The following IGF2BP2 variants were observed in gnomAD, a reference collection of about 807,000 sequenced individuals.
IGF2BP2 encodes the protein insulin like growth factor 2 mRNA binding protein 2.
A neutral mutation model predicts 75.8 loss-of-function variants in IGF2BP2; 17 were observed. The observed-to-expected ratio is 0.22, with a 90% CI of 0.15 to 0.34. IGF2BP2 has a LOEUF of 0.34. IGF2BP2 is among the 10% of genes least tolerant of loss of function. The probability of loss-of-function intolerance (pLI) is 1.00; values close to 1 mark genes in which losing one functional copy is unlikely to be tolerated. For synonymous variants in IGF2BP2, 288 were observed against 295.6 expected (o/e 0.97, Z 0.26); for missense variants, 516 against 772.4 (o/e 0.67, Z 3.93).
chr3:185,665,571 G>C (rs1717413616), intron 10 of IGF2BP2, among the ~76,000 whole-genome samples: 1 of 149,478 alleles, frequency 6.7e-6, no homozygotes, highest in African/African-American at 2.5e-5. Flanking sequence ...AGGAGAAGGA[G>C]AAGAAGGAGA....
intron 10 of IGF2BP2, among the ~76,000 whole-genome samples, chr3:185,661,034 G>A (rs1215682656): frequency 6.6e-6 from 1 of 152,168 alleles, no homozygotes; most frequent in African/African-American, 2.4e-5. Context: ...GTAAGAAAGA[G>A]ATTTTTAAAA....
intron 2 of IGF2BP2, among the ~76,000 whole-genome samples, chr3:185,748,113 C>T (rs1730501436): frequency 6.6e-6 from 1 of 152,056 alleles, no homozygotes; most frequent in Non-Finnish European, 1.5e-5. Flanking sequence ...ACCGTGTTAG[C>T]CAGGATGGTC....
intron 2 of IGF2BP2, among the ~76,000 whole-genome samples, chr3:185,766,434 T>A (rs1733070803): frequency 6.6e-6 from 1 of 152,110 alleles, no homozygotes; most frequent in Non-Finnish European, 1.5e-5. Context: ...TTCCCTTTTT[T>A]TAAATGGTTG....
At position 185,728,400 on chromosome 3, in the gene IGF2BP2, A is replaced by G. The variant is rs569789131; in HGVS notation, c.240-30053T>C. On this transcript the variant is annotated intron_variant, in intron 2 of 15. Coordinates refer to ENST00000382199, the MANE Select transcript of IGF2BP2 (RefSeq NM_006548.6). ...CACTCACATGTTACCCTTCTAGGAT[A>G]TGGGCTTTTTGTGTTTTTGTTTTTT... The G allele has an allele frequency of 2.0e-5, 3 of 152,202 alleles. No homozygotes were observed. In the South Asian group the frequency reaches 6.2e-4, roughly 32 times the overall value. 9.4% of individuals were successfully genotyped at this position (152,202 alleles called of 1,614,324 possible). A position where few individuals can be genotyped will look rare whatever the true frequency, so the allele number is the denominator to read the frequency against.
intron 13 of IGF2BP2, among the ~76,000 whole-genome samples, chr3:185,650,066 G>A (rs1279481734): frequency 3.3e-5 from 5 of 151,404 alleles, no homozygotes; most frequent in Non-Finnish European, 7.4e-5. Context: ...GCAGTGGCAC[G>A]ATCATAGCTC....
At chr3:185,671,595 G>A (rs1718524727) in intron 10 of IGF2BP2, among the ~76,000 whole-genome samples, 2 of 150,970 alleles carry the variant, frequency 1.3e-5, no homozygotes. Flanking sequence ...ATATAAGCAA[G>A]AATGCAGAAT....
intron 2 of IGF2BP2, among the ~76,000 whole-genome samples, chr3:185,718,684 CAAAAAAAA>C (rs10699427): frequency 2.4e-4 from 12 of 49,516 alleles, no homozygotes; most frequent in South Asian, 1.3e-3. Flanking sequence ...GACTCTGTCT[CAAAAAAAA>C]AAAAAAAAAA....
chr3:185,645,240 T>G lies in IGF2BP2; in HGVS notation c.*291A>C. The G allele has an allele frequency of 2.1e-6, 1 of 473,564 alleles. No individual in the cohort carries two copies. Among genetic ancestry groups the G allele is most frequent in the Non-Finnish European group, 3.8e-6 (1 of 261,860 alleles). 29.3% of individuals were successfully genotyped at this position (473,564 alleles called of 1,614,324 possible). A position where few individuals can be genotyped will look rare whatever the true frequency, so the allele number is the denominator to read the frequency against. ...ACTAAAAGGGATAGCGTCGTGGGAG[T>G]TCAGGAGAGATCCGAGTGGATGGTG... On this transcript the variant is annotated 3_prime_UTR_variant, in exon 16 of 16. Transcript: ENST00000382199. The surrounding 1 kb of genome is among the most constrained non-coding windows in gnomAD (Gnocchi z 4.9).
intron 2 of IGF2BP2, among the ~76,000 whole-genome samples, chr3:185,800,269 G>A (rs1252478346): frequency 6.6e-6 from 1 of 152,116 alleles, no homozygotes; most frequent in Non-Finnish European, 1.5e-5. Context: ...ATAGACCGGG[G>A]CCTGTCGGAG....
intron 2 of IGF2BP2, among the ~76,000 whole-genome samples, chr3:185,776,965 G>T (rs1260330572): frequency 6.6e-6 from 1 of 152,140 alleles, no homozygotes. Context: ...AGATTAGGAG[G>T]TCAAGACAGA....
intron 2 of IGF2BP2, among the ~76,000 whole-genome samples, chr3:185,768,874 G>T (rs1229615336): frequency 1.3e-5 from 2 of 152,094 alleles, no homozygotes; most frequent in African/African-American, 2.4e-5. Context: ...TAAAAATACA[G>T]AAATTAGCCA....
chr3:185,662,595 G>A (rs1716648485), intron 10 of IGF2BP2, among the ~76,000 whole-genome samples: 1 of 141,914 alleles, frequency 7.0e-6, no homozygotes, highest in African/African-American at 2.6e-5. Flanking sequence ...CCAGGCTGGA[G>A]TGCAGTGGCA....
intron 7 of IGF2BP2, among the ~76,000 whole-genome samples, chr3:185,684,490 C>T (rs1188041117): frequency 6.6e-6 from 1 of 152,092 alleles, no homozygotes. Context: ...CTGCAACCTC[C>T]ACCTCCCAGG....
chr3:185,760,121 T>C (rs1732157559), intron 2 of IGF2BP2, among the ~76,000 whole-genome samples: 1 of 152,226 alleles, frequency 6.6e-6, no homozygotes, highest in Admixed American at 6.5e-5. Context: ...AATGTTCAAA[T>C]GTCCCCAATT....
chr3:185,823,901 G>C (rs1706090878), intron 1 of IGF2BP2, among the ~76,000 whole-genome samples: 1 of 151,706 alleles, frequency 6.6e-6, no homozygotes, highest in Non-Finnish European at 1.5e-5. Flanking sequence ...CTCCTGTCTG[G>C]GCTCCAGCGC....
intron 10 of IGF2BP2, among the ~76,000 whole-genome samples, chr3:185,669,985 T>C (rs947109061): frequency 3.9e-5 from 6 of 152,200 alleles, no homozygotes; most frequent in East Asian, 1.9e-4. Context: ...CTCCATGCCA[T>C]TGGACCTGCA....
chr3:185,766,509 CATAA>C (rs1007462278), intron 2 of IGF2BP2, among the ~76,000 whole-genome samples: 146 of 152,168 alleles, frequency 9.6e-4, no homozygotes, highest in African/African-American at 3.4e-3. Flanking sequence ...TCTCAGTGTC[CATAA>C]ATAAAGTTTT....
intron 2 of IGF2BP2, among the ~76,000 whole-genome samples, chr3:185,803,651 C>T (rs1738578860): frequency 6.6e-6 from 1 of 152,140 alleles, no homozygotes; most frequent in Non-Finnish European, 1.5e-5. Context: ...ATTTGTGTCT[C>T]AATGGCACCA....
At chr3:185,746,073 A>G (rs926642776) in intron 2 of IGF2BP2, among the ~76,000 whole-genome samples, 7 of 152,216 alleles carry the variant, frequency 4.6e-5, no homozygotes, top group African/African-American at 1.4e-4. Context: ...ACCTTATTAT[A>G]AGGACCCCAG....
Sources: gnomAD v4.1 joint callset for allele counts (sites outside exome capture counted in the v4.1 genomes callset) on GRCh38, gnomAD v4.1.1 for gene constraint, Gnocchi (gnomAD v3.1) non-coding constraint, MANE v1.5 for transcripts, NCBI Gene and HGNC (gene_info 2026-07-23, HGNC 2026-07-21) for gene names.